The following MAF variants were observed in gnomAD, a reference collection of about 807,000 sequenced individuals.
MAF encodes the protein MAF bZIP transcription factor, also known as transcription factor Maf.
In MAF, 10 loss-of-function variants were observed where a neutral mutation model predicts 22.0. The ratio of observed to expected loss-of-function variants is 0.45; its 90% CI spans 0.28 to 0.77. The LOEUF is 0.77. MAF is among the 30% of genes least tolerant of loss of function. The probability of loss-of-function intolerance (pLI) is 0.12; values close to 1 mark genes in which losing one functional copy is unlikely to be tolerated. For synonymous variants in MAF, 337 were observed against 255.8 expected (o/e 1.32, Z -3.03); for missense variants, 544 against 548.4 (o/e 0.99, Z 0.08).
chr16:79,423,756 A>G, the MAF span, among the ~76,000 whole-genome samples: 3 of 152,198 alleles, frequency 2.0e-5, no homozygotes, highest in Non-Finnish European at 4.4e-5. Flanking sequence ...AGCTCCTGGG[A>G]ACCAGCAACT....
chr16:79,261,392 A>T, the MAF span, among the ~76,000 whole-genome samples: 50 of 152,206 alleles, frequency 3.3e-4, no homozygotes, highest in Non-Finnish European at 1.5e-4. Flanking sequence ...ACCTCAAGTG[A>T]TCCACCCGCC....
the MAF span, among the ~76,000 whole-genome samples, chr16:79,484,758 A>T: frequency 4.6e-5 from 7 of 152,194 alleles, no homozygotes; most frequent in African/African-American, 1.4e-4. Context: ...CCGGTGGAGC[A>T]GCTGGCAGCT....
the MAF span, among the ~76,000 whole-genome samples, chr16:79,237,538 G>A: frequency 6.6e-6 from 1 of 152,092 alleles, no homozygotes. Context: ...CATAGAGGGT[G>A]ATTCACTTTC....
chr16:79,247,303 T>C, the MAF span, among the ~76,000 whole-genome samples: 4 of 152,232 alleles, frequency 2.6e-5, no homozygotes, highest in African/African-American at 4.8e-5. Flanking sequence ...TACTGGCATG[T>C]CAATGGAGAA....
At chr16:79,476,645 T>C in the MAF span, among the ~76,000 whole-genome samples, 1 of 152,194 alleles carries the variant, frequency 6.6e-6, no homozygotes, top group African/African-American at 2.4e-5. Flanking sequence ...CCTAAGAAAG[T>C]TGTGAGGGCG....
At chr16:79,464,361 C>T in the MAF span, among the ~76,000 whole-genome samples, 1 of 152,284 alleles carries the variant, frequency 6.6e-6, no homozygotes, top group Non-Finnish European at 1.5e-5. Context: ...ACTGCCCACT[C>T]TAGCCCACCA....
At chr16:79,482,762 G>C in the MAF span, among the ~76,000 whole-genome samples, 1 of 151,938 alleles carries the variant, frequency 6.6e-6, no homozygotes, top group African/African-American at 2.4e-5. Context: ...CACCCAATGA[G>C]GGGTTCAAGG....
At chr16:79,376,497 G>C in the MAF span, among the ~76,000 whole-genome samples, 2 of 151,946 alleles carry the variant, frequency 1.3e-5, no homozygotes, top group Non-Finnish European at 2.9e-5. Flanking sequence ...GCTTTGTTTA[G>C]TTGAGAATAC....
the MAF span, among the ~76,000 whole-genome samples, chr16:79,527,510 A>G: frequency 6.6e-6 from 1 of 152,190 alleles, no homozygotes; most frequent in Non-Finnish European, 1.5e-5. Flanking sequence ...TCTTATGCCA[A>G]CATTTGGTGA....
chr16:79,443,088 G>T, the MAF span, among the ~76,000 whole-genome samples: 7 of 152,192 alleles, frequency 4.6e-5, no homozygotes, highest in African/African-American at 1.4e-4. Flanking sequence ...AGATCATTCT[G>T]CTGGAGGGAC....
At chr16:79,362,407 T>C in the MAF span, among the ~76,000 whole-genome samples, 1 of 152,036 alleles carries the variant, frequency 6.6e-6, no homozygotes, top group Non-Finnish European at 1.5e-5. Flanking sequence ...TCCCAGTGCT[T>C]GCCTCAATGA....
chr16:79,290,785 T>C, the MAF span, among the ~76,000 whole-genome samples: 3 of 152,046 alleles, frequency 2.0e-5, no homozygotes, highest in East Asian at 5.8e-4. Flanking sequence ...GAATTTGGTG[T>C]TTCTCAAATT....
At chr16:79,353,206 C>G in the MAF span, among the ~76,000 whole-genome samples, 1 of 152,098 alleles carries the variant, frequency 6.6e-6, no homozygotes, top group South Asian at 2.1e-4. Context: ...ACTGCAACCT[C>G]TGCCTCCCAG....
Position 79,598,122 on chromosome 16 carries a change from T to G in MAF, c.1118+663A>C, listed in dbSNP as rs994277107. 7 of 1,043,852 alleles carry G rather than the reference T, an allele frequency of 6.7e-6. No homozygotes were observed. The African/African-American group carries it at 1.2e-4, about 18-fold the overall frequency. The allele number at this position is 1,043,852 out of a possible 1,614,324, so 64.7% of individuals were successfully genotyped here. A position where few individuals can be genotyped will look rare whatever the true frequency, so the allele number is the denominator to read the frequency against. On this transcript the variant is annotated intron_variant, in intron 1 of 1. Transcript: ENST00000326043. ...TCACATTTTTTTTTCCTTTGCAAGC[T>G]CAATCTCACATGAAGAACTCAGGAG...
the MAF span, among the ~76,000 whole-genome samples, chr16:79,443,858 T>C: frequency 6.6e-6 from 1 of 152,046 alleles, no homozygotes; most frequent in East Asian, 1.9e-4. Context: ...GTAGGTAACA[T>C]GGTAAAAACA....
chr16:79,243,205 C>G, the MAF span, among the ~76,000 whole-genome samples: 1 of 151,648 alleles, frequency 6.6e-6, no homozygotes, highest in Non-Finnish European at 1.5e-5. Context: ...AAGATGGGAG[C>G]AGAAGTGAAG....
chr16:79,402,401 G>C, the MAF span, among the ~76,000 whole-genome samples: 3 of 152,348 alleles, frequency 2.0e-5, no homozygotes, highest in South Asian at 2.1e-4. Flanking sequence ...CCTGCTCTCA[G>C]AGAGTTCAGG....
At chr16:79,209,270 G>T in the MAF span, among the ~76,000 whole-genome samples, 1 of 152,206 alleles carries the variant, frequency 6.6e-6, no homozygotes, top group African/African-American at 2.4e-5. Flanking sequence ...CTGCAACAAT[G>T]GCATTCTGAA....
At chr16:79,593,501 G>GGCACAAGGGAGAAAAGCTCAC, downstream of MAF, among the ~76,000 whole-genome samples, 1 of 152,302 alleles carries the variant, frequency 6.6e-6, no homozygotes, top group South Asian at 2.1e-4. Context: ...CTGGGGTAAA[G>GGCACAAGGGAGAAAAGCTCAC]GCACAAGGGA....
Sources: allele counts gnomAD v4.1 joint callset (sites outside exome capture counted in the v4.1 genomes callset), GRCh38; gene constraint gnomAD v4.1.1; transcripts MANE v1.5; gene names NCBI Gene and HGNC (gene_info 2026-07-23, HGNC 2026-07-21).